ASB7: variants seen among roughly 807,000 people sequenced by gnomAD.
ASB7 encodes ankyrin repeat and SOCS box protein 7.
In ASB7, 4 loss-of-function variants were observed where a neutral mutation model predicts 32.5. That is an observed-to-expected ratio of 0.12 (90% CI 0.06 to 0.28). The LOEUF (loss-of-function observed/expected upper bound fraction) is 0.28, where lower values mean the gene tolerates loss of function less well. Among genes scored for constraint, ASB7 ranks in the 10% least tolerant of loss-of-function variants. The pLI, the probability that ASB7 is intolerant of heterozygous loss-of-function variation, is 1.00. For synonymous variants in ASB7, 172 were observed against 155.6 expected, an observed-to-expected ratio of 1.11 and a Z score of -0.78; for missense variants, 181 against 407.1, an observed-to-expected ratio of 0.44 and a Z score of 4.78.
At position 100,608,983 on chromosome 15, in the gene ASB7, T is replaced by A. The variant is rs866608470; in HGVS notation, c.-173-724T>A. ...ATGAGGTAGTAGTTCTCCCAATATG[T>A]AATTCCTAGAGTTTTATGTGGAAGT... On this transcript the variant is annotated intron_variant, in intron 2 of 5. Transcript: ENST00000332783. Among the ~76,000 whole-genome samples the A allele has an allele frequency of 3.9e-5, 6 of 152,226 alleles. No individual in the cohort carries two copies. The South Asian group carries it at 8.3e-4, about 21-fold the overall frequency.
At chr15:100,637,739 T>G (rs2039933856) in intron 5 of ASB7, among the ~76,000 whole-genome samples, 2 of 152,200 alleles carry the variant, frequency 1.3e-5, no homozygotes, top group African/African-American at 4.8e-5. Context: ...TTGAAAAAAG[T>G]TATTTAAAAA....
chr15:100,637,955 C>A (rs2039935486), intron 5 of ASB7, among the ~76,000 whole-genome samples: 1 of 136,800 alleles, frequency 7.3e-6, no homozygotes, highest in Non-Finnish European at 1.6e-5. Context: ...GAAAGCAGCT[C>A]TTTTTTTTTT....
chr15:100,648,652 A>T lies in ASB7; in HGVS notation c.*190A>T. The T allele has an allele frequency of 2.1e-6, 1 of 470,398 alleles. No homozygotes were observed. The highest frequency in any genetic ancestry group is 3.7e-6 in the Non-Finnish European group (1 of 268,358). The allele number at this position is 470,398 out of a possible 1,614,324, so 29.1% of individuals were successfully genotyped here. A position where few individuals can be genotyped will look rare whatever the true frequency, so the allele number is the denominator to read the frequency against. ...GAGGGATTTTTTATATATATATAAA[A>T]ACACACACCACATGCTTGAAGGTCT... On this transcript the variant is annotated 3_prime_UTR_variant, in exon 6 of 6. Transcript: ENST00000332783.
intron 4 of ASB7, among the ~76,000 whole-genome samples, chr15:100,627,089 G>GAA (rs936964645): frequency 6.8e-6 from 1 of 146,590 alleles, no homozygotes; most frequent in African/African-American, 2.5e-5. Context: ...AAAGCTGTTA[G>GAA]AAAAAAAAAA....
intron 4 of ASB7, among the ~76,000 whole-genome samples, chr15:100,619,007 G>T (rs948029006): frequency 7.2e-5 from 11 of 152,114 alleles, no homozygotes; most frequent in Non-Finnish European, 1.6e-4. Context: ...GATTCAAACC[G>T]TTTCTTACCT....
At chr15:100,646,268 T>TTGTGG in intron 5 of ASB7, 1 of 395,892 alleles carries the variant, frequency 2.5e-6, no homozygotes, top group Admixed American at 2.9e-5. Context: ...AATGTTGACT[T>TTGTGG]TCCTTCCAAG....
At chr15:100,641,782 A>G (rs1287231452) in intron 5 of ASB7, among the ~76,000 whole-genome samples, 2 of 152,240 alleles carry the variant, frequency 1.3e-5, no homozygotes, top group Non-Finnish European at 2.9e-5. Context: ...ATCCTTACAC[A>G]TATTTAAAAA....
At position 100,648,276 on chromosome 15, in the gene ASB7, A is replaced by G. The variant is rs2040009578; in HGVS notation, c.818-47A>G. 7.2e-6 allele frequency: 11 copies of G among 1,532,540 alleles called. No homozygotes were observed. The South Asian group carries it at 1.3e-4, about 18-fold the overall frequency. 94.9% of individuals were successfully genotyped at this position (1,532,540 alleles called of 1,614,324 possible). On this transcript the variant is annotated intron_variant, in intron 5 of 5. Coordinates refer to ENST00000332783, the MANE Select transcript of ASB7 (RefSeq NM_198243.3). The stretch of plus-strand genomic sequence containing the variant: ...AGTTCTTTTCAAAAGTGCCTTAAAT[A>G]TTGTGCTTTGTGGCTTTGTAACATT...
chr15:100,607,529 A>G (rs1161872897), intron 2 of ASB7, among the ~76,000 whole-genome samples: 1 of 152,186 alleles, frequency 6.6e-6, no homozygotes, highest in African/African-American at 2.4e-5. Context: ...ACGTGTGTGT[A>G]TGTTTTTTTC....
intron 5 of ASB7, among the ~76,000 whole-genome samples, chr15:100,647,810 G>A (rs897583243): frequency 3.9e-5 from 6 of 151,934 alleles, no homozygotes; most frequent in Non-Finnish European, 5.9e-5. Flanking sequence ...GTGGGTGTCC[G>A]GGCTCCAGTG....
intron 4 of ASB7, among the ~76,000 whole-genome samples, chr15:100,617,821 A>G (rs1157156427): frequency 6.6e-6 from 1 of 152,252 alleles, no homozygotes; most frequent in Admixed American, 6.5e-5. Context: ...GTCAAGAAAG[A>G]AAGCGAAAAC....
chr15:100,606,859 CA>C (rs2039649162), intron 2 of ASB7, among the ~76,000 whole-genome samples: 1 of 151,944 alleles, frequency 6.6e-6, no homozygotes, highest in Admixed American at 6.6e-5. Flanking sequence ...ACATAACTTA[CA>C]AAATTACCTC....
intron 5 of ASB7, among the ~76,000 whole-genome samples, chr15:100,643,746 G>A (rs1005834644): frequency 6.6e-6 from 1 of 151,454 alleles, no homozygotes; most frequent in Non-Finnish European, 1.5e-5. Context: ...GCCTGCCTCA[G>A]CCTCCCAAAG....
intron 5 of ASB7, chr15:100,646,584 G>A: frequency 2.8e-6 from 1 of 360,178 alleles, no homozygotes; most frequent in Non-Finnish European, 5.7e-6. Flanking sequence ...AGACAGCAGG[G>A]ATTGAGAAGG....
intron 5 of ASB7, among the ~76,000 whole-genome samples, chr15:100,633,849 G>A (rs900636838): frequency 6.6e-6 from 1 of 152,086 alleles, no homozygotes. Context: ...TCTCAGGCTC[G>A]TGCACACAAA....
intron 4 of ASB7, among the ~76,000 whole-genome samples, chr15:100,615,045 A>G (rs2039730415): frequency 6.6e-6 from 1 of 152,210 alleles, no homozygotes; most frequent in Admixed American, 6.5e-5. Flanking sequence ...ATTGTATTAC[A>G]GTTGCCTCCA....
intron 2 of ASB7, among the ~76,000 whole-genome samples, chr15:100,607,086 G>C (rs972861999): frequency 6.6e-6 from 1 of 151,840 alleles, no homozygotes; most frequent in Admixed American, 6.6e-5. Context: ...CCTGAAGGCA[G>C]AGGTTGCAGT....
chr15:100,629,783 C>T lies in ASB7; in HGVS notation c.558C>T (p.Tyr186=), dbSNP rs151334822. 87 of 1,614,080 alleles carry T rather than the reference C, an allele frequency of 5.4e-5. 1 individual carries two copies. Among genetic ancestry groups the T allele is most frequent in the Non-Finnish European group, 6.4e-5 (75 of 1,180,040 alleles). Residue 186 remains tyrosine (Y), a synonymous_variant, in exon 5 of 6, where the codon TAC becomes TAT. Transcript: ENST00000332783. This position sits in a 1 kb window ranked among gnomAD's most constrained non-coding sequence, Gnocchi z 6.8. ...IDIQNGFLLR[Y]AVIKSNHSYC... ...TTCAGAATGGTTTCCTGTTGCGATACGCCGTGATCAAAAGCAATCACTCTT... is the reference window on the plus strand; with the variant it reads ...TTCAGAATGGTTTCCTGTTGCGATATGCCGTGATCAAAAGCAATCACTCTT...
intron 2 of ASB7, among the ~76,000 whole-genome samples, chr15:100,605,494 C>T (rs2039636182): frequency 1.3e-5 from 2 of 152,204 alleles, no homozygotes; most frequent in Non-Finnish European, 2.9e-5. Flanking sequence ...AAAGTGATGT[C>T]ATTTACAATT....
Sources: gnomAD v4.1 joint callset for allele counts (sites outside exome capture counted in the v4.1 genomes callset) on GRCh38, gnomAD v4.1.1 for gene constraint, Gnocchi (gnomAD v3.1) non-coding constraint, MANE v1.5 for transcripts, NCBI Gene and HGNC (gene_info 2026-07-23, HGNC 2026-07-21) for gene names.